SKIC3: variants seen among roughly 807,000 people sequenced by gnomAD.
The protein encoded by SKIC3 is SKI3 subunit of superkiller complex.
the SKIC3 span, among the ~76,000 whole-genome samples, chr5:95,549,021 T>C: frequency 1.3e-5 from 2 of 151,980 alleles, no homozygotes; most frequent in Non-Finnish European, 2.9e-5. Context: ...AAGAATATAA[T>C]CTAAATCAAG....
At chr5:95,464,562 T>G in the SKIC3 span, 1 of 1,459,268 alleles carries the variant, frequency 6.9e-7, no homozygotes, top group Non-Finnish European at 9.5e-7. Flanking sequence ...ATTGCTTCAT[T>G]CTTACAGCTT....
At chr5:95,510,692 C>T in the SKIC3 span, among the ~76,000 whole-genome samples, 1 of 152,192 alleles carries the variant, frequency 6.6e-6, no homozygotes, top group Non-Finnish European at 1.5e-5. Context: ...CCACCACCAT[C>T]CACCAAATTA....
At chr5:95,491,142 C>G in the SKIC3 span, 2 of 1,473,144 alleles carry the variant, frequency 1.4e-6, no homozygotes, top group Admixed American at 2.2e-5. Context: ...AAAATTGTAT[C>G]TAAAAAAAAA....
chr5:95,546,738 GA>G, the SKIC3 span, among the ~76,000 whole-genome samples: 4 of 152,068 alleles, frequency 2.6e-5, no homozygotes, highest in Non-Finnish European at 5.9e-5. Context: ...AAACCAAATA[GA>G]AATAGAACAC....
the SKIC3 span, among the ~76,000 whole-genome samples, chr5:95,502,256 G>C: frequency 2.0e-5 from 3 of 151,996 alleles, no homozygotes; most frequent in Non-Finnish European, 4.4e-5. Flanking sequence ...CATGAAGATT[G>C]GTATCACTCA....
chr5:95,553,771 C>T, the SKIC3 span, among the ~76,000 whole-genome samples: 5 of 152,200 alleles, frequency 3.3e-5, no homozygotes, highest in Non-Finnish European at 5.9e-5. Context: ...GCTGGCCAGG[C>T]TGGTCTCGAA....
chr5:95,511,472 A>AC, the SKIC3 span, among the ~76,000 whole-genome samples: 1 of 152,126 alleles, frequency 6.6e-6, no homozygotes, highest in South Asian at 2.1e-4. Context: ...CACATGCCAC[A>AC]CCCACCCTAA....
chr5:95,492,679 A>AAAAAAAAAAAAAAAAAAAC, the SKIC3 span, among the ~76,000 whole-genome samples: 2 of 136,272 alleles, frequency 1.5e-5, no homozygotes, highest in Admixed American at 7.5e-5. Context: ...AAAAAAAAAA[A>AAAAAAAAAAAAAAAAAAAC]AAAAAAAAAA....
the SKIC3 span, chr5:95,512,484 T>G: frequency 5.6e-6 from 9 of 1,613,878 alleles, no homozygotes; most frequent in East Asian, 2.0e-4. Flanking sequence ...TACCTACATA[T>G]TTATTCAAAA....
the SKIC3 span, chr5:95,541,668 T>C: frequency 1.5e-6 from 1 of 672,932 alleles, no homozygotes; most frequent in Non-Finnish European, 2.5e-6. Context: ...TCTATTTTAA[T>C]CACAAAAGAT....
At chr5:95,508,361 T>A in the SKIC3 span, among the ~76,000 whole-genome samples, 1 of 152,242 alleles carries the variant, frequency 6.6e-6, no homozygotes, top group East Asian at 1.9e-4. Flanking sequence ...TTATCACCTA[T>A]CCATTAATTT....
At chr5:95,465,509 C>T in the SKIC3 span, among the ~76,000 whole-genome samples, 3 of 152,136 alleles carry the variant, frequency 2.0e-5, no homozygotes, top group African/African-American at 4.8e-5. Context: ...CATTGTCAAG[C>T]ACTGTGAAGG....
At chr5:95,490,926 A>T in the SKIC3 span, 1 of 1,614,204 alleles carries the variant, frequency 6.2e-7, no homozygotes, top group Non-Finnish European at 8.5e-7. Context: ...GAAACAGCAG[A>T]TAACAGTGCC....
chr5:95,496,890 A>G, the SKIC3 span, among the ~76,000 whole-genome samples: 1 of 152,134 alleles, frequency 6.6e-6, no homozygotes, highest in Non-Finnish European at 1.5e-5. Flanking sequence ...TTAACCACAG[A>G]AGTTAATAGA....
At chr5:95,477,154 C>A in the SKIC3 span, among the ~76,000 whole-genome samples, 2 of 152,162 alleles carry the variant, frequency 1.3e-5, no homozygotes, top group Non-Finnish European at 2.9e-5. Context: ...TTGTTATATA[C>A]AAATATGGGG....
At chr5:95,528,973 A>G in the SKIC3 span, 2 of 1,596,608 alleles carry the variant, frequency 1.3e-6, no homozygotes, top group Admixed American at 1.7e-5. Flanking sequence ...TCACCCTTAT[A>G]TGTCAACCCA....
At chr5:95,496,775 C>A in the SKIC3 span, among the ~76,000 whole-genome samples, 1 of 152,056 alleles carries the variant, frequency 6.6e-6, no homozygotes, top group African/African-American at 2.4e-5. Context: ...GTCTGTGGGT[C>A]TTGCAGACTT....
chr5:95,492,677 A>AAAAAAAAAAAAAAAAAAAAAAAAAAAC, the SKIC3 span, among the ~76,000 whole-genome samples: 1 of 140,266 alleles, frequency 7.1e-6, no homozygotes, highest in Non-Finnish European at 1.5e-5. Context: ...AAAAAAAAAA[A>AAAAAAAAAAAAAAAAAAAAAAAAAAAC]AAAAAAAAAA....
the SKIC3 span, chr5:95,541,390 A>C: frequency 1.9e-5 from 31 of 1,613,140 alleles, no homozygotes; most frequent in South Asian, 3.1e-4. Context: ...ACTTAGAACA[A>C]AACAAAACAC....
Sources: allele counts gnomAD v4.1 joint callset (sites outside exome capture counted in the v4.1 genomes callset), GRCh38; gene constraint gnomAD v4.1.1; transcripts MANE v1.5; gene names NCBI Gene and HGNC (gene_info 2026-07-23, HGNC 2026-07-21).